Variants in EHHADH observed in about 807,000 individuals in gnomAD.
EHHADH encodes the protein peroxisomal bifunctional enzyme.
Under a neutral mutation model 64.4 loss-of-function variants are expected in EHHADH, and 48 were observed. The observed-to-expected ratio is 0.75, with a 90% confidence interval of 0.59 to 0.95. The LOEUF (loss-of-function observed/expected upper bound fraction) is 0.95. Ranked by LOEUF, EHHADH falls within the 40% of genes least tolerant of loss-of-function variation. The pLI, the probability that EHHADH is intolerant of heterozygous loss-of-function variation, is 0.00. For synonymous variants in EHHADH, 308 were observed against 326.7 expected (o/e 0.94, Z 0.62); for missense variants, 854 against 876.6 (o/e 0.97, Z 0.33).
chr3:185,238,565 G>A (rs1001448787), intron 2 of EHHADH, among the ~76,000 whole-genome samples: 1 of 152,074 alleles, frequency 6.6e-6, no homozygotes, highest in Non-Finnish European at 1.5e-5. Flanking sequence ...TTTGGCAAAT[G>A]TATATGTCCT....
intron 3 of EHHADH, among the ~76,000 whole-genome samples, chr3:185,229,848 C>A (rs1051996915): frequency 6.6e-6 from 1 of 152,054 alleles, no homozygotes; most frequent in South Asian, 2.1e-4. Context: ...TGGAGTCCTG[C>A]AAGAATCAGG....
intron 4 of EHHADH, among the ~76,000 whole-genome samples, chr3:185,225,238 A>G (rs903875615): frequency 2.0e-5 from 3 of 152,068 alleles, no homozygotes; most frequent in African/African-American, 4.8e-5. Context: ...ACATGTCCCA[A>G]ATGAAGCTCT....
At chr3:185,205,468 G>T (rs977234689) in intron 5 of EHHADH, among the ~76,000 whole-genome samples, 1 of 152,182 alleles carries the variant, frequency 6.6e-6, no homozygotes, top group East Asian at 1.9e-4. Flanking sequence ...TTGATGCAAG[G>T]ATAGGTATAT....
chr3:185,191,136 T>G lies in EHHADH; in HGVS notation c.*1090A>C, dbSNP rs1452079565. ...AACCACTAATGTACGGAAAGTATTT[T>G]TTGTAGAGACAGGGTTTTGCTATGT... On this transcript the variant is annotated 3_prime_UTR_variant, in exon 7 of 7. Transcript: ENST00000231887. 1 of 152,282 alleles carries G rather than the reference T, an allele frequency of 6.6e-6. No individual in the cohort carries two copies. Among genetic ancestry groups the G allele is most frequent in the Non-Finnish European group, 1.5e-5 (1 of 68,114 alleles). 9.4% of individuals were successfully genotyped at this position (152,282 alleles called of 1,614,324 possible).
intron 5 of EHHADH, among the ~76,000 whole-genome samples, chr3:185,213,119 CAAAAAAA>C (rs550233979): frequency 0.2 from 8,685 of 42,888 alleles, 591 homozygotes; most frequent in African/African-American, 0.37. Flanking sequence ...GACTCTGTCT[CAAAAAAA>C]AAAAAAAAAA....
At chr3:185,229,307 G>C in intron 4 of EHHADH, 125 bp downstream of exon 4, 1 of 448,108 alleles carries the variant, frequency 2.2e-6, no homozygotes, top group African/African-American at 2.0e-5. Flanking sequence ...AAAATCGAGA[G>C]GCCAAGAAGT....
Position 185,204,676 on chromosome 3 carries a change from AG to A in EHHADH, c.649del (p.Leu217SerfsTer2). On this transcript the variant is annotated frameshift_variant, in exon 6 of 7. Transcript: ENST00000231887. LOFTEE classifies it high-confidence loss of function. ...PNMDSIFSEA[L>X]LKMRRQHPGC... ...AGGGTGCTGCCTCCGCATCTTCAAG[AG>A]GGCCTCACTAAAAATGCTGTCCATG... 8 of 1,614,222 alleles carry A rather than the reference AG, an allele frequency of 5.0e-6. No homozygotes were observed. The highest frequency in any genetic ancestry group is 6.8e-6 in the Non-Finnish European group (8 of 1,180,046).
At chr3:185,241,343 T>G (rs922697752) in intron 2 of EHHADH, among the ~76,000 whole-genome samples, 1 of 152,218 alleles carries the variant, frequency 6.6e-6, no homozygotes, top group South Asian at 2.1e-4. Flanking sequence ...GATCAAATGG[T>G]AGTTCTACTT....
intron 4 of EHHADH, among the ~76,000 whole-genome samples, chr3:185,219,061 A>C (rs1171882798): frequency 6.6e-6 from 1 of 152,198 alleles, no homozygotes; most frequent in Non-Finnish European, 1.5e-5. Flanking sequence ...AAATTTAAAA[A>C]AAAGATAGTC....
chr3:185,213,119 C>CAAAAAAAAAAAAAAAAAAAAAAAAAA lies in EHHADH; in HGVS notation c.568+4991_568+5016dup, dbSNP rs550233979. On this transcript the variant is annotated intron_variant, in intron 5 of 6. Transcript: ENST00000231887. ...TGGGTGAAGAAGCAAGACTCTGTCT[C>CAAAAAAAAAAAAAAAAAAAAAAAAAA]AAAAAAAAAAAAAAAAAAAAAAAAA... 3.3e-4 allele frequency among the ~76,000 whole-genome samples: 14 copies of CAAAAAAAAAAAAAAAAAAAAAAAAAA among 43,056 alleles called. 2 individuals are homozygous for CAAAAAAAAAAAAAAAAAAAAAAAAAA. Among genetic ancestry groups the CAAAAAAAAAAAAAAAAAAAAAAAAAA allele is most frequent in the East Asian group, 1.3e-3 (1 of 784 alleles). The allele number at this position is 43,056 out of a possible 152,430, so 28.2% of individuals were successfully genotyped here.
At position 185,192,902 on chromosome 3, in the gene EHHADH, C is replaced by T. The variant is rs974865861; in HGVS notation, c.1496G>A (p.Gly499Asp). 4 of 1,614,198 alleles carry T rather than the reference C, an allele frequency of 2.5e-6. No homozygotes were observed. The highest frequency in any genetic ancestry group is 3.4e-6 in the Non-Finnish European group (4 of 1,180,038). The change falls in exon 7 of 7, where the codon GGC (glycine) becomes GAC (aspartate). Residue 499 changes from glycine (G) to aspartate (D), a missense_variant. By Grantham distance (94) the Gly-to-Asp change is moderately conservative. Transcript: ENST00000231887. ...YNQAYFLLEE[G>D]SKPEEVDQVL... ...CTGATCTACCTCCTCTGGTTTGCTG[C>T]CTTCTTCTAACAAGAAATATGCCTG...
At chr3:185,202,227 T>C (rs1018516368) in intron 6 of EHHADH, among the ~76,000 whole-genome samples, 2 of 151,712 alleles carry the variant, frequency 1.3e-5, no homozygotes, top group Non-Finnish European at 2.9e-5. Context: ...TAATCCCAGC[T>C]ACTTGGGAGG....
chr3:185,199,940 G>A (rs1003142216), intron 6 of EHHADH, among the ~76,000 whole-genome samples: 2 of 152,168 alleles, frequency 1.3e-5, no homozygotes, highest in African/African-American at 2.4e-5. Context: ...AACGGTAGAC[G>A]TGGGTAGTTG....
intron 2 of EHHADH, among the ~76,000 whole-genome samples, chr3:185,237,599 A>G (rs1167940941): frequency 6.6e-6 from 1 of 152,224 alleles, no homozygotes. Flanking sequence ...TGCTTTTTCT[A>G]CATCTCGACA....
chr3:185,229,646 C>T (rs1719102620), intron 3 of EHHADH, 103 bp from the exon 4 acceptor site: 3 of 639,300 alleles, frequency 4.7e-6, no homozygotes, highest in Non-Finnish European at 7.2e-6. Context: ...AGCATGGTGT[C>T]ACTGAATTCA....
rs1238954251 is a variant in EHHADH at position 185,253,969 on chromosome 3, G to C, written c.54C>G (p.Asn18Lys). The change falls in exon 1 of 7, where the codon AAC becomes AAG. Residue 18 changes from asparagine to lysine, a missense_variant. Asn to Lys is a moderately conservative substitution (Grantham distance 94, BLOSUM62 0). Transcript: ENST00000231887. Reference sequence around the variant, plus strand: ...GTTACCTGATCGCGTTGACCGGCGGGTTTCGGAGGCGGATTAGCGCCAAGG... The same window carrying C: ...GTTACCTGATCGCGTTGACCGGCGGCTTTCGGAGGCGGATTAGCGCCAAGG... ...HNALALIRLRNPPVNAISTTL... is the reference protein window; with the variant it reads ...HNALALIRLRKPPVNAISTTL... 3.7e-6 allele frequency: 6 copies of C among 1,613,926 alleles called. No homozygotes were observed. The highest frequency in any genetic ancestry group is 5.1e-6 in the Non-Finnish European group (6 of 1,179,976).
At chr3:185,232,361 T>C (rs1015242904) in intron 3 of EHHADH, among the ~76,000 whole-genome samples, 1 of 152,236 alleles carries the variant, frequency 6.6e-6, no homozygotes, top group Admixed American at 6.5e-5. Flanking sequence ...TTTGTAAGCA[T>C]TTATAAAAAT....
intron 6 of EHHADH, among the ~76,000 whole-genome samples, chr3:185,202,326 G>A (rs947732774): frequency 8.1e-6 from 1 of 123,676 alleles, no homozygotes; most frequent in South Asian, 2.7e-4. Context: ...GTGACAGAGC[G>A]AAACTCCATA....
intron 4 of EHHADH, among the ~76,000 whole-genome samples, chr3:185,219,033 G>T (rs747359507): frequency 3.3e-5 from 5 of 151,210 alleles, no homozygotes; most frequent in Non-Finnish European, 7.4e-5. Flanking sequence ...CAAAAACAAA[G>T]AAAAAGAGAG....
Sources: gnomAD v4.1 joint callset for allele counts (sites outside exome capture counted in the v4.1 genomes callset) on GRCh38, gnomAD v4.1.1 for gene constraint, MANE v1.5 for transcripts, NCBI Gene and HGNC (gene_info 2026-07-23, HGNC 2026-07-21) for gene names.